Variants in RIMS1 observed in about 807,000 individuals in gnomAD.
RIMS1 encodes regulating synaptic membrane exocytosis protein 1.
RIMS1 carries 83 observed loss-of-function variants against 214.1 expected under a neutral mutation model. The ratio of observed to expected loss-of-function variants is 0.39; its 90% confidence interval spans 0.32 to 0.47. RIMS1 has a LOEUF of 0.47. RIMS1 is among the 20% of genes least tolerant of loss of function. The probability of loss-of-function intolerance (pLI) is 0.99; values close to 1 mark genes in which losing one functional copy is unlikely to be tolerated. For missense variants in RIMS1, 2,050 were observed against 2,161.8 expected (o/e 0.95, Z 1.03); for synonymous variants, 793 against 786.8 (o/e 1.01, Z -0.13).
intron 2 of RIMS1, among the ~76,000 whole-genome samples, chr6:72,033,257 A>G (rs1309538030): frequency 6.6e-6 from 1 of 152,176 alleles, no homozygotes; most frequent in African/African-American, 2.4e-5. Context: ...CCCTCTTGAC[A>G]AGTTGCATGT....
At chr6:72,186,089 A>C (rs543265617) in intron 6 of RIMS1, among the ~76,000 whole-genome samples, 1 of 152,386 alleles carries the variant, frequency 6.6e-6, no homozygotes, top group South Asian at 2.1e-4. Flanking sequence ...TGTTTATGCT[A>C]TCAGTAAACA....
Position 72,347,110 on chromosome 6 carries a change from CTT to C in RIMS1, c.4366+13276_4366+13277del, listed in dbSNP as rs1156573531. 2.6e-5 allele frequency among the ~76,000 whole-genome samples: 4 copies of C among 151,944 alleles called. No homozygotes were observed. The East Asian group carries it at 5.8e-4, about 22-fold the overall frequency. On this transcript the variant is annotated intron_variant, in intron 29 of 33. Coordinates refer to ENST00000521978, the MANE Select transcript of RIMS1 (RefSeq NM_014989.7). ...TTATACCATACGTCTATTGATATCT[CTT>C]GTTAGACACAGTGATTCTCAGAACG...
At chr6:72,231,027 C>G (rs1050184515) in intron 6 of RIMS1, among the ~76,000 whole-genome samples, 2 of 151,578 alleles carry the variant, frequency 1.3e-5, no homozygotes, top group African/African-American at 2.4e-5. Context: ...CATTTTGCAG[C>G]TATGCCACCT....
chr6:72,348,660 C>G (rs2097347799), intron 29 of RIMS1, among the ~76,000 whole-genome samples: 1 of 151,774 alleles, frequency 6.6e-6, no homozygotes, highest in South Asian at 2.1e-4. Context: ...GTTTGGGCTT[C>G]TAGTGTACCC....
At chr6:72,314,216 G>T (rs1381452836) in intron 28 of RIMS1, among the ~76,000 whole-genome samples, 1 of 152,178 alleles carries the variant, frequency 6.6e-6, no homozygotes, top group East Asian at 1.9e-4. Flanking sequence ...AAAGGGAAAA[G>T]ACCCCAGACA....
At chr6:72,146,807 A>G (rs1200632108) in intron 4 of RIMS1, among the ~76,000 whole-genome samples, 3 of 152,226 alleles carry the variant, frequency 2.0e-5, no homozygotes, top group East Asian at 1.9e-4. Context: ...TTACATACCT[A>G]TCATGTAAAT....
intron 2 of RIMS1, among the ~76,000 whole-genome samples, chr6:72,028,569 CT>C (rs1418464563): frequency 6.6e-6 from 1 of 152,082 alleles, no homozygotes; most frequent in Non-Finnish European, 1.5e-5. Context: ...GAAATGCTTC[CT>C]TTTTCAGCTT....
At chr6:71,983,445 GT>G (rs149037699) in intron 2 of RIMS1, among the ~76,000 whole-genome samples, 6 of 151,626 alleles carry the variant, frequency 4.0e-5, no homozygotes, top group Non-Finnish European at 8.8e-5. Flanking sequence ...GAAAAAAAGG[GT>G]TTTTTTTATT....
chr6:72,100,154 C>T (rs1352763671), intron 4 of RIMS1, among the ~76,000 whole-genome samples, 168 bp downstream of exon 4: 1 of 151,966 alleles, frequency 6.6e-6, no homozygotes, highest in East Asian at 1.9e-4. Context: ...AGGAGCATTA[C>T]AGAGTTTGAT....
At chr6:72,373,824 T>C (rs1361692975) in intron 29 of RIMS1, among the ~76,000 whole-genome samples, 2 of 152,212 alleles carry the variant, frequency 1.3e-5, no homozygotes, top group Non-Finnish European at 2.9e-5. Flanking sequence ...AGTATACTTT[T>C]TATTGTATTG....
intron 6 of RIMS1, among the ~76,000 whole-genome samples, chr6:72,195,253 C>G (rs2050680509): frequency 6.6e-6 from 1 of 152,152 alleles, no homozygotes; most frequent in Non-Finnish European, 1.5e-5. Context: ...TGAGAAAGTA[C>G]AACACAAATT....
intron 4 of RIMS1, among the ~76,000 whole-genome samples, chr6:72,101,056 A>G (rs528907235): frequency 3.9e-5 from 6 of 152,110 alleles, no homozygotes; most frequent in African/African-American, 1.4e-4. Context: ...ACTTTGGATG[A>G]GTTCACAGTT....
intron 4 of RIMS1, among the ~76,000 whole-genome samples, chr6:72,131,531 G>A (rs891597472): frequency 2.0e-5 from 3 of 151,356 alleles, no homozygotes; most frequent in Admixed American, 2.0e-4. Context: ...TTCAAAAGGG[G>A]AGGGAGTGTA....
chr6:72,197,668 C>G (rs961762676), intron 6 of RIMS1, among the ~76,000 whole-genome samples: 1 of 152,122 alleles, frequency 6.6e-6, no homozygotes, highest in East Asian at 1.9e-4. Flanking sequence ...ACACACTTGC[C>G]TACAGGTATG....
chr6:71,990,213 G>T (rs1217578585), intron 2 of RIMS1, among the ~76,000 whole-genome samples: 1 of 152,074 alleles, frequency 6.6e-6, no homozygotes, highest in Non-Finnish European at 1.5e-5. Flanking sequence ...AAACTCCAGA[G>T]ATGTTCCATA....
At chr6:72,257,018 A>G (rs1027105136) in intron 16 of RIMS1, among the ~76,000 whole-genome samples, 5 of 152,042 alleles carry the variant, frequency 3.3e-5, no homozygotes, top group Admixed American at 1.3e-4. Flanking sequence ...GCATAAGATC[A>G]TGGATTCACA....
rs1051907428 is a variant in RIMS1, at chr6:72,299,456, T to C, written c.3850+7410T>C. On this transcript the variant is annotated intron_variant, in intron 26 of 33. Coordinates refer to ENST00000521978, the MANE Select transcript of RIMS1 (RefSeq NM_014989.7). ...GCTTTTCTGTTTCACTAATAAAATA[T>C]GTGATAATTATTGTAACTAGATCAT... is the stretch of plus-strand genomic sequence containing the variant. Among the ~76,000 whole-genome samples the C allele has an allele frequency of 9.2e-5, 14 of 151,984 alleles. No individual in the cohort carries two copies. In the South Asian group the frequency reaches 2.5e-3, roughly 27 times the overall value.
intron 6 of RIMS1, among the ~76,000 whole-genome samples, chr6:72,224,515 C>T (rs955944308): frequency 6.6e-6 from 1 of 152,080 alleles, no homozygotes; most frequent in African/African-American, 2.4e-5. Flanking sequence ...GTCAGTGAGG[C>T]TTACTTATTT....
At chr6:71,931,892 A>G (rs1424217408) in intron 1 of RIMS1, among the ~76,000 whole-genome samples, 1 of 152,118 alleles carries the variant, frequency 6.6e-6, no homozygotes, top group African/African-American at 2.4e-5. Context: ...ATCACTGATC[A>G]TTAGAGAAAC....
Sources: allele counts gnomAD v4.1 joint callset (sites outside exome capture counted in the v4.1 genomes callset), GRCh38; gene constraint gnomAD v4.1.1; transcripts MANE v1.5; gene names NCBI Gene and HGNC (gene_info 2026-07-23, HGNC 2026-07-21).